The following TSNARE1 variants were observed in gnomAD, a reference collection of about 807,000 sequenced individuals.
TSNARE1 encodes the protein t-SNARE domain containing 1.
In TSNARE1, 49 loss-of-function variants were observed where a neutral mutation model predicts 62.0. That is an observed-to-expected ratio of 0.79 (90% confidence interval 0.63 to 1.00). The LOEUF (loss-of-function observed/expected upper bound fraction) is 1.00, where lower values mean the gene tolerates loss of function less well. TSNARE1 is among the 50% of genes least tolerant of loss of function. TSNARE1 has a pLI of 0.00. For synonymous variants in TSNARE1, 328 were observed against 294.4 expected, an observed-to-expected ratio of 1.11 and a Z score of -1.17; for missense variants, 755 against 700.1, an observed-to-expected ratio of 1.08 and a Z score of -0.88.
At chr8:142,337,798 G>T (rs1413082047) in intron 4 of TSNARE1, among the ~76,000 whole-genome samples, 3 of 152,212 alleles carry the variant, frequency 2.0e-5, no homozygotes, top group Admixed American at 2.0e-4. Context: ...CCACATCCTG[G>T]TCTCAGGAAG....
rs1190897860 is a variant in TSNARE1, at chr8:142,362,030, C to A, written c.-39-7267G>T. 3.9e-5 allele frequency among the ~76,000 whole-genome samples: 6 copies of A among 152,374 alleles called. No homozygotes were observed. In the East Asian group the frequency reaches 9.6e-4, roughly 24 times the overall value. On this transcript the variant is annotated intron_variant, in intron 1 of 13. Transcript: ENST00000524325. ...ATGGATGAGGCGCCCCGATGGCCTG[C>A]AGCAGGAGGGCTTGCTGTCAGCAGG...
intron 1 of TSNARE1, among the ~76,000 whole-genome samples, chr8:142,398,290 T>C (rs1310676436): frequency 9.9e-5 from 10 of 101,208 alleles, no homozygotes; most frequent in East Asian, 3.4e-4. Flanking sequence ...GCCCAAAACA[T>C]GTCCCCAGCC....
intron 11 of TSNARE1, chr8:142,276,666 C>T: frequency 1.0e-6 from 1 of 985,436 alleles, no homozygotes; most frequent in Non-Finnish European, 1.2e-6. Flanking sequence ...CTGGACCCCA[C>T]CCTTGGACTC....
At chr8:142,388,248 A>G (rs1837239302) in intron 1 of TSNARE1, among the ~76,000 whole-genome samples, 1 of 152,142 alleles carries the variant, frequency 6.6e-6, no homozygotes, top group African/African-American at 2.4e-5. Context: ...ATGAAATAAA[A>G]TAGAAAGTAC....
upstream of TSNARE1, chr8:142,403,818 G>A (rs1838483335): frequency 6.6e-6 from 1 of 152,258 alleles, no homozygotes; most frequent in African/African-American, 2.4e-5. Context: ...ACCCTCCTGG[G>A]ACCTCCTTCC....
intron 12 of TSNARE1, among the ~76,000 whole-genome samples, chr8:142,259,832 G>A (rs1818768427): frequency 1.3e-5 from 2 of 152,192 alleles, no homozygotes; most frequent in Admixed American, 1.3e-4. Context: ...GTTCTGGAAG[G>A]AGACTTGGTG....
At chr8:142,394,127 C>A (rs74886031) in intron 1 of TSNARE1, among the ~76,000 whole-genome samples, 3,579 of 152,368 alleles carry the variant, frequency 0.023, 50 homozygotes, top group East Asian at 0.047. Flanking sequence ...AAGGCAGAAG[C>A]CTGCAGGCTG....
intron 11 of TSNARE1, among the ~76,000 whole-genome samples, chr8:142,281,497 G>A (rs1438873060): frequency 2.0e-5 from 3 of 152,000 alleles, no homozygotes; most frequent in African/African-American, 7.2e-5. Flanking sequence ...GGGCCGCACA[G>A]GCAGGCCAGG....
intron 11 of TSNARE1, chr8:142,280,149 C>T (rs1045050383): frequency 2.0e-6 from 2 of 985,314 alleles, no homozygotes; most frequent in Admixed American, 6.1e-5. Flanking sequence ...GGCGCCGCAC[C>T]CTCTGCACCA....
chr8:142,277,298 G>C, intron 11 of TSNARE1: 1 of 985,284 alleles, frequency 1.0e-6, no homozygotes, highest in Non-Finnish European at 1.2e-6. Flanking sequence ...GCAGCCTTTG[G>C]GACCGCCCTC....
At chr8:142,287,878 C>T (rs1397819405) in intron 10 of TSNARE1, among the ~76,000 whole-genome samples, 1 of 151,708 alleles carries the variant, frequency 6.6e-6, no homozygotes, top group South Asian at 2.1e-4. Context: ...CCCAGGACCT[C>T]GGCCAGATCT....
At chr8:142,394,770 G>C (rs969565971) in intron 1 of TSNARE1, among the ~76,000 whole-genome samples, 2 of 152,162 alleles carry the variant, frequency 1.3e-5, no homozygotes, top group Non-Finnish European at 2.9e-5. Flanking sequence ...GGGATGGTCC[G>C]CAGGGTCACC....
At chr8:142,262,717 GCCTACTTCCCC>G (rs1436989715) in intron 12 of TSNARE1, among the ~76,000 whole-genome samples, 5 of 152,112 alleles carry the variant, frequency 3.3e-5, no homozygotes, top group African/African-American at 1.2e-4. Flanking sequence ...TGTAAGACGT[GCCTACTTCCCC>G]TTCGCCTTCC....
chr8:142,350,366 G>A (rs193159821), intron 2 of TSNARE1, among the ~76,000 whole-genome samples: 16 of 152,322 alleles, frequency 1.1e-4, no homozygotes, highest in Admixed American at 3.9e-4. Context: ...TAAAACAGTC[G>A]AATTTCCAGA....
At position 142,268,591 on chromosome 8, in the gene TSNARE1, G is replaced by A. The variant is rs149687896; in HGVS notation, c.1446+6190C>T. 2.3e-3 allele frequency among the ~76,000 whole-genome samples: 355 copies of A among 152,252 alleles called. 3 individuals carry two copies. Among genetic ancestry groups the A allele is most frequent in the Middle Eastern group, 0.01 (3 of 294 alleles). On this transcript the variant is annotated intron_variant, in intron 12 of 13. Transcript: ENST00000524325. ...CCTACCCCAGCATCCAGTCCCTTCC[G>A]TCTTAGTAACAAAATCCTGATTTGG...
At chr8:142,367,471 G>T (rs182701654) in intron 1 of TSNARE1, among the ~76,000 whole-genome samples, 29 of 142,202 alleles carry the variant, frequency 2.0e-4, no homozygotes, top group African/African-American at 7.5e-4. Context: ...TGAGAGGTCC[G>T]CAAGACGCAA....
intron 1 of TSNARE1, among the ~76,000 whole-genome samples, chr8:142,375,596 G>A (rs1836269777): frequency 6.6e-6 from 1 of 152,226 alleles, no homozygotes; most frequent in South Asian, 2.1e-4. Context: ...ACCTCCCGGT[G>A]AAGTCCGCCA....
intron 2 of TSNARE1, among the ~76,000 whole-genome samples, chr8:142,353,340 A>G (rs1834348604): frequency 6.6e-6 from 1 of 152,090 alleles, no homozygotes; most frequent in African/African-American, 2.4e-5. Context: ...CTCCTGGCAC[A>G]CAGCAGACGC....
intron 11 of TSNARE1, among the ~76,000 whole-genome samples, chr8:142,279,473 G>A (rs1821043717): frequency 1.3e-5 from 2 of 152,290 alleles, no homozygotes; most frequent in African/African-American, 4.8e-5. Flanking sequence ...CCTTGTGACC[G>A]CCTCCCCACG....
Sources: gnomAD v4.1 joint callset for allele counts (sites outside exome capture counted in the v4.1 genomes callset) on GRCh38, gnomAD v4.1.1 for gene constraint, MANE v1.5 for transcripts, NCBI Gene and HGNC (gene_info 2026-07-23, HGNC 2026-07-21) for gene names.